The following BSN variants were observed in gnomAD, a reference collection of about 807,000 sequenced individuals.
BSN encodes the protein bassoon presynaptic cytomatrix protein.
A neutral mutation model predicts 264.8 loss-of-function variants in BSN; 57 were observed. The ratio of observed to expected loss-of-function variants is 0.22; its 90% CI spans 0.17 to 0.27. BSN has a LOEUF of 0.27. Ranked by LOEUF, BSN falls within the 10% of genes least tolerant of loss-of-function variation. The pLI, the probability that BSN is intolerant of heterozygous loss-of-function variation, is 1.00. For synonymous variants in BSN, 2,059 were observed against 2,137.3 expected, an observed-to-expected ratio of 0.96 and a Z score of 1.01; for missense variants, 4,615 against 5,232.5, an observed-to-expected ratio of 0.88 and a Z score of 3.64.
intron 1 of BSN, among the ~76,000 whole-genome samples, chr3:49,586,641 C>G (rs1226568425): frequency 6.6e-6 from 1 of 152,190 alleles, no homozygotes; most frequent in Non-Finnish European, 1.5e-5. Context: ...ATACCCTACC[C>G]CCAGCACCAT....
At position 49,656,436 on chromosome 3, in the gene BSN, G is replaced by A; in HGVS notation, c.6880G>A (p.Gly2294Arg). ...TGCTGCTGCCAAGGCCCCTGGGGCTGGGGGCCCTTCAAGGCCAGAGATGCC... is the reference window on the plus strand; with the variant it reads ...TGCTGCTGCCAAGGCCCCTGGGGCTAGGGGCCCTTCAAGGCCAGAGATGCC... ...KPAAAKAPGA[G>R]GPSRPEMPVG... The change falls in exon 5 of 12, where the codon GGG (glycine) becomes AGG (arginine). Residue 2294 changes from glycine (G) to arginine (R), a missense_variant. Physicochemically the swap from Gly to Arg is moderately radical, Grantham distance 125. This residue lies in a region of BSN where 3,415 missense variants were observed against 3,866.4 expected (regional missense o/e 0.88). Transcript: ENST00000296452. 6.3e-7 allele frequency: 1 copy of A among 1,592,522 alleles called. No homozygotes were observed. The highest frequency in any genetic ancestry group is 1.1e-5 in the South Asian group (1 of 88,436).
intron 1 of BSN, among the ~76,000 whole-genome samples, chr3:49,610,603 A>AAAC (rs1379233920): frequency 5.9e-5 from 9 of 151,672 alleles, no homozygotes; most frequent in South Asian, 2.1e-4. Flanking sequence ...AAAAAAAAAA[A>AAAC]AAACAAGTAG....
chr3:49,606,255 TA>T (rs1471816322), intron 1 of BSN, among the ~76,000 whole-genome samples: 78 of 3,922 alleles, frequency 0.02, 1 homozygote, highest in Admixed American at 0.031. Context: ...ATATTATATA[TA>T]AAATATATAT....
chr3:49,642,908 G>A lies in BSN; in HGVS notation c.1274G>A (p.Gly425Glu). ...GGGGCTAGAATGGGTCCTGGATCTG[G>A]ACCTGGAGCCCTGCCGAAAACTGGG... ...EPGARMGPGS[G>E]PGALPKTGGT... is the part of the protein sequence containing the mutation. Residue 425 changes from glycine to glutamate, a missense_variant, in exon 3 of 12, where the codon GGA (glycine) becomes GAA (glutamate). Around this residue, in one of 3 missense-constraint regions of BSN, gnomAD observed 1,197 missense variants for 1,348.0 expected, o/e 0.89. Coordinates refer to ENST00000296452, the MANE Select transcript of BSN (RefSeq NM_003458.4). This position sits in a 1 kb window ranked among gnomAD's most constrained non-coding sequence, Gnocchi z 7.0. The A allele has an allele frequency of 6.2e-7, 1 of 1,614,112 alleles. No individual in the cohort carries two copies. Among genetic ancestry groups the A allele is most frequent in the Non-Finnish European group, 8.5e-7 (1 of 1,180,042 alleles).
chr3:49,590,681 T>C (rs772613919), intron 1 of BSN, among the ~76,000 whole-genome samples: 6 of 152,022 alleles, frequency 3.9e-5, no homozygotes, highest in Non-Finnish European at 7.4e-5. Context: ...TGTGCTATTG[T>C]TATATATATT....
rs764023003 is a variant in BSN, at chr3:49,658,212, C to T, written c.8640+16C>T. 1 of 1,529,964 alleles carries T rather than the reference C, an allele frequency of 6.5e-7. No individual in the cohort carries two copies. Among genetic ancestry groups the T allele is most frequent in the Admixed American group, 2.0e-5 (1 of 49,750 alleles). The allele number at this position is 1,529,964 out of a possible 1,614,324, so 94.8% of individuals were successfully genotyped here. A position where few individuals can be genotyped will look rare whatever the true frequency, so the allele number is the denominator to read the frequency against. The stretch of plus-strand genomic sequence containing the variant: ...GGGTAGCCAGGTATGGGAACAGGGG[C>T]TGTTCCAGGGTGGGACAGGGGTCTC... On this transcript the variant is annotated intron_variant, in intron 5 of 11. Coordinates refer to ENST00000296452, the MANE Select transcript of BSN (RefSeq NM_003458.4).
chr3:49,565,230 C>T (rs1202293283), intron 1 of BSN, among the ~76,000 whole-genome samples: 1 of 145,258 alleles, frequency 6.9e-6, no homozygotes, highest in Admixed American at 7.0e-5. Flanking sequence ...ACTGCAAGCT[C>T]TGCCTCCAGG....
At chr3:49,640,248 A>C (rs1258635472) in intron 2 of BSN, among the ~76,000 whole-genome samples, 1 of 152,200 alleles carries the variant, frequency 6.6e-6, no homozygotes, top group African/African-American at 2.4e-5. Context: ...CACCTTGTTG[A>C]GCTATGACCT....
intron 1 of BSN, among the ~76,000 whole-genome samples, chr3:49,557,732 C>G (rs540435890): frequency 6.6e-6 from 1 of 152,068 alleles, no homozygotes. Flanking sequence ...CGCCCACCAC[C>G]GCACCCAGCT....
At position 49,621,832 on chromosome 3, in the gene BSN, C is replaced by T. The variant is rs1238903805; in HGVS notation, c.225-3143C>T. Among the ~76,000 whole-genome samples, 4 of 152,136 alleles carry T rather than the reference C, an allele frequency of 2.6e-5. No individual in the cohort carries two copies. In the East Asian group the frequency reaches 7.7e-4, roughly 29 times the overall value. Reference sequence around the variant, plus strand: ...TCCTGGGCTCAAGAGATCCTCCTGCCTCAGTCTCCCAAGTTGGGATTATGA... The same window carrying T: ...TCCTGGGCTCAAGAGATCCTCCTGCTTCAGTCTCCCAAGTTGGGATTATGA... On this transcript the variant is annotated intron_variant, in intron 1 of 11. Coordinates refer to ENST00000296452, the MANE Select transcript of BSN (RefSeq NM_003458.4).
intron 5 of BSN, among the ~76,000 whole-genome samples, chr3:49,659,100 C>T (rs1223823972): frequency 1.3e-5 from 2 of 152,110 alleles, no homozygotes; most frequent in African/African-American, 4.8e-5. Context: ...CCAGAGGCAT[C>T]GTAAGGTAGA....
intron 1 of BSN, among the ~76,000 whole-genome samples, chr3:49,613,438 T>C (rs922264880): frequency 1.3e-5 from 2 of 150,938 alleles, no homozygotes; most frequent in African/African-American, 4.9e-5. Context: ...GGAGAGAAAG[T>C]GTAAACCCAG....
rs201580070 is a variant in BSN, at chr3:49,654,593, C to T, written c.5037C>T (p.Leu1679=). 1.9e-6 allele frequency: 3 copies of T among 1,612,906 alleles called. No individual in the cohort carries two copies. In the East Asian group the frequency reaches 6.7e-5, roughly 36 times the overall value. ...CTGTCAAGCCCACTCCCATCATCCTCACTGACCAGGGCATGGACCTCACCT... is the reference window on the plus strand; with the variant it reads ...CTGTCAAGCCCACTCCCATCATCCTTACTGACCAGGGCATGGACCTCACCT... The part of the protein sequence containing the change: ...RTAVKPTPII[L]TDQGMDLTSL... The change falls in exon 5 of 12, where the codon CTC becomes CTT. Residue 1679 remains leucine (L), a synonymous_variant. Coordinates refer to ENST00000296452, the MANE Select transcript of BSN (RefSeq NM_003458.4). The surrounding 1 kb of genome is among the most constrained non-coding windows in gnomAD (Gnocchi z 4.1).
intron 1 of BSN, among the ~76,000 whole-genome samples, chr3:49,588,602 A>G (rs953223776): frequency 2.0e-5 from 3 of 152,282 alleles, no homozygotes; most frequent in South Asian, 4.1e-4. Flanking sequence ...CTATCACTAC[A>G]TCCAATGTTT....
Position 49,642,644 on chromosome 3 carries a change from G to T in BSN, c.1010G>T (p.Gly337Val), listed in dbSNP as rs112246114. Residue 337 changes from glycine to valine, a missense_variant, in exon 3 of 12, where the codon GGT becomes GTT. Physicochemically the swap from Gly to Val is moderately radical, Grantham distance 109. Transcript: ENST00000296452. The surrounding 1 kb of genome is among the most constrained non-coding windows in gnomAD (Gnocchi z 7.0). ...GCCACCGCAGTGCCCGCTGGGCTTG[G>T]TGCCACTGAGCAGACCCAGGAGGGC... ...KSATAVPAGL[G>V]ATEQTQEGLT... 3.7e-6 allele frequency: 6 copies of T among 1,603,720 alleles called. No homozygotes were observed. Among genetic ancestry groups the T allele is most frequent in the Non-Finnish European group, 5.1e-6 (6 of 1,174,102 alleles).
At chr3:49,575,818 G>A (rs1417833578) in intron 1 of BSN, among the ~76,000 whole-genome samples, 1 of 151,304 alleles carries the variant, frequency 6.6e-6, no homozygotes, top group Non-Finnish European at 1.5e-5. Flanking sequence ...TCCTTTTCCA[G>A]CATTATTACT....
At chr3:49,587,879 A>G (rs779086559) in intron 1 of BSN, among the ~76,000 whole-genome samples, 96 of 63,552 alleles carry the variant, frequency 1.5e-3, no homozygotes, top group Non-Finnish European at 3.2e-3. Context: ...GGGCAGGGAA[A>G]GTTGGGGTTT....
At chr3:49,609,184 C>T (rs1159296461) in intron 1 of BSN, among the ~76,000 whole-genome samples, 1 of 149,894 alleles carries the variant, frequency 6.7e-6, no homozygotes, top group East Asian at 2.0e-4. Context: ...TTACTGCAAC[C>T]TCAACCTCCT....
chr3:49,660,871 G>A lies in BSN; in HGVS notation c.9026G>A (p.Arg3009His), dbSNP rs778600315. 1.8e-5 allele frequency: 29 copies of A among 1,613,140 alleles called. No homozygotes were observed. The highest frequency in any genetic ancestry group is 2.2e-5 in the South Asian group (2 of 91,082). ...YPPLRGLGEH[R>H]DYLSDSELNQ... ...CCCTTGCGTGGTCTTGGCGAGCATCGTGACTACCTATCGGACAGTGAGCTC... is the reference window on the plus strand; with the variant it reads ...CCCTTGCGTGGTCTTGGCGAGCATCATGACTACCTATCGGACAGTGAGCTC... The change falls in exon 6 of 12, where the codon CGT becomes CAT. Residue 3009 changes from arginine (R) to histidine (H), a missense_variant. Coordinates refer to ENST00000296452, the MANE Select transcript of BSN (RefSeq NM_003458.4). This position sits in a 1 kb window ranked among gnomAD's most constrained non-coding sequence, Gnocchi z 7.1.
Sources: allele counts gnomAD v4.1 joint callset (sites outside exome capture counted in the v4.1 genomes callset), GRCh38; gene constraint gnomAD v4.1.1; regional missense constraint gnomAD v4.1.1; non-coding constraint Gnocchi (gnomAD v3.1); transcripts MANE v1.5; gene names NCBI Gene and HGNC (gene_info 2026-07-23, HGNC 2026-07-21).